XIRP2: variants seen among roughly 807,000 people sequenced by gnomAD.
XIRP2 encodes the protein xin actin-binding repeat-containing protein 2.
XIRP2 carries 236 observed loss-of-function variants against 277.0 expected under a neutral mutation model. That is an observed-to-expected ratio of 0.85 (90% CI 0.77 to 0.95). The LOEUF (loss-of-function observed/expected upper bound fraction) is 0.95, where lower values mean the gene tolerates loss of function less well. XIRP2 is among the 40% of genes least tolerant of loss of function. The probability of loss-of-function intolerance (pLI) is 0.00; values close to 1 mark genes in which losing one functional copy is unlikely to be tolerated. For missense variants in XIRP2, 4,640 were observed against 4,157.5 expected, an observed-to-expected ratio of 1.12 and a Z score of -3.19; for synonymous variants, 1,490 against 1,416.5, an observed-to-expected ratio of 1.05 and a Z score of -1.17.
intron 2 of XIRP2, among the ~76,000 whole-genome samples, chr2:166,941,037 C>T (rs769984652): frequency 6.6e-6 from 1 of 152,148 alleles, no homozygotes; most frequent in Non-Finnish European, 1.5e-5. Context: ...TGCCTTGCCC[C>T]GAGAGGTGGA....
At chr2:166,903,379 G>A (rs949284434) in intron 1 of XIRP2, 86 bp from the exon 2 acceptor site, 44 of 1,365,396 alleles carry the variant, frequency 3.2e-5, no homozygotes, top group Middle Eastern at 2.0e-4. Context: ...CAAACCCCAA[G>A]AGCTGGTGCT....
At chr2:167,107,687 T>C (rs552726763) in intron 2 of XIRP2, among the ~76,000 whole-genome samples, 2 of 151,808 alleles carry the variant, frequency 1.3e-5, no homozygotes, top group African/African-American at 4.8e-5. Flanking sequence ...TTTGTTTGTT[T>C]TGTTGATTTG....
intron 5 of XIRP2, among the ~76,000 whole-genome samples, chr2:167,234,914 T>A (rs541596059): frequency 1.1e-3 from 164 of 152,016 alleles, no homozygotes; most frequent in Middle Eastern, 3.4e-3. Flanking sequence ...TTCTATATGA[T>A]CCTTGACAAC....
chr2:166,975,831 C>G (rs969189978), intron 2 of XIRP2, among the ~76,000 whole-genome samples: 1 of 141,556 alleles, frequency 7.1e-6, no homozygotes, highest in Non-Finnish European at 1.5e-5. Context: ...GAGGCTGAGG[C>G]AGGAGAAGAG....
At chr2:167,058,967 C>A (rs1292698393) in intron 2 of XIRP2, among the ~76,000 whole-genome samples, 1 of 151,952 alleles carries the variant, frequency 6.6e-6, no homozygotes, top group African/African-American at 2.4e-5. Flanking sequence ...TACCTTACTT[C>A]AACCACAAAT....
rs541562892 is a variant in XIRP2 at position 167,223,628 on chromosome 2, A to G, written c.858+5328A>G. The stretch of plus-strand genomic sequence containing the variant: ...ATATTTTTATCAGCTAAATGTCCAC[A>G]TTGCAAAACATTTCTCATCTAAGTC... On this transcript the variant is annotated intron_variant, in intron 5 of 10. Coordinates refer to ENST00000409195, the MANE Select transcript of XIRP2 (RefSeq NM_152381.6). 5.3e-5 allele frequency among the ~76,000 whole-genome samples: 8 copies of G among 152,330 alleles called. No homozygotes were observed. In the South Asian group the frequency reaches 1.7e-3, roughly 32 times the overall value.
chr2:167,111,787 T>C (rs1285539706), intron 2 of XIRP2, among the ~76,000 whole-genome samples: 2 of 152,130 alleles, frequency 1.3e-5, no homozygotes, highest in Non-Finnish European at 2.9e-5. Flanking sequence ...CAGGTATAAA[T>C]TCATCTGGTC....
intron 2 of XIRP2, among the ~76,000 whole-genome samples, chr2:167,028,563 C>A (rs1401515166): frequency 1.3e-5 from 2 of 151,932 alleles, no homozygotes; most frequent in Non-Finnish European, 2.9e-5. Context: ...CACTCAATTC[C>A]ATTTAAATAT....
chr2:167,147,862 G>A (rs1263776156), intron 3 of XIRP2, among the ~76,000 whole-genome samples: 1 of 152,026 alleles, frequency 6.6e-6, no homozygotes, highest in Non-Finnish European at 1.5e-5. Flanking sequence ...AAAACAAATT[G>A]GAACTAAAAT....
In XIRP2 at chr2:167,250,021, G is replaced by T. The variant is rs996737290; in HGVS notation, c.8629G>T (p.Ala2877Ser). 1 of 1,613,570 alleles carries T rather than the reference G, an allele frequency of 6.2e-7. No homozygotes were observed. The highest frequency in any genetic ancestry group is 8.5e-7 in the Non-Finnish European group (1 of 1,179,692). ...QNFQQTQIQT[A>S]ESKAEHKKLP... Reference sequence around the variant, plus strand: ...TTTTCAGCAAACACAAATACAGACCGCTGAAAGTAAAGCTGAACATAAAAA... The same window carrying T: ...TTTTCAGCAAACACAAATACAGACCTCTGAAAGTAAAGCTGAACATAAAAA... Residue 2877 changes from alanine (A) to serine (S), a missense_variant, in exon 9 of 11, where the codon GCT (alanine) becomes TCT (serine). By Grantham distance (99) the Ala-to-Ser change is moderately conservative. Coordinates refer to ENST00000409195, the MANE Select transcript of XIRP2 (RefSeq NM_152381.6).
chr2:167,007,084 T>C (rs1687523925), intron 2 of XIRP2, among the ~76,000 whole-genome samples: 1 of 151,674 alleles, frequency 6.6e-6, no homozygotes, highest in East Asian at 1.9e-4. Flanking sequence ...ATTTCTCTTA[T>C]TTGCAAATCT....
At chr2:166,994,244 G>A (rs1338964480) in intron 2 of XIRP2, among the ~76,000 whole-genome samples, 2 of 28,556 alleles carry the variant, frequency 7.0e-5, no homozygotes, top group African/African-American at 2.0e-4. Flanking sequence ...ACCAAACACC[G>A]CATATTCTCA....
chr2:167,150,628 T>C (rs1418376346), intron 3 of XIRP2, among the ~76,000 whole-genome samples: 1 of 152,022 alleles, frequency 6.6e-6, no homozygotes, highest in African/African-American at 2.4e-5. Flanking sequence ...TGTATTGATA[T>C]GTTGTTGTGT....
At chr2:167,206,305 C>T (rs183938356) in intron 3 of XIRP2, among the ~76,000 whole-genome samples, 80 of 152,210 alleles carry the variant, frequency 5.3e-4, no homozygotes, top group African/African-American at 1.9e-3. Context: ...TCTACTTCCC[C>T]ATCCTCACAC....
intron 1 of XIRP2, among the ~76,000 whole-genome samples, chr2:166,890,431 A>G (rs1684072900): frequency 6.6e-6 from 1 of 152,122 alleles, no homozygotes; most frequent in African/African-American, 2.4e-5. Flanking sequence ...GGCCCTTAAG[A>G]ATCTGCAGTG....
intron 10 of XIRP2, among the ~76,000 whole-genome samples, chr2:167,256,216 GT>G (rs1223075533): frequency 6.6e-6 from 1 of 151,414 alleles, no homozygotes; most frequent in Middle Eastern, 3.4e-3. Flanking sequence ...TTATTATATA[GT>G]TTTTTCTTCA....
chr2:167,148,148 G>A (rs1470920436), intron 3 of XIRP2, among the ~76,000 whole-genome samples: 1 of 151,992 alleles, frequency 6.6e-6, no homozygotes, highest in Non-Finnish European at 1.5e-5. Context: ...TTGGGAGGTC[G>A]AGGCAGGTGG....
At chr2:167,219,011 G>A (rs776100843) in intron 5 of XIRP2, among the ~76,000 whole-genome samples, 34 of 151,914 alleles carry the variant, frequency 2.2e-4, no homozygotes, top group Non-Finnish European at 4.0e-4. Context: ...AGGCAACTGA[G>A]GTATTTCTTA....
chr2:166,995,774 G>A (rs1283568195), intron 2 of XIRP2, among the ~76,000 whole-genome samples: 1 of 152,174 alleles, frequency 6.6e-6, no homozygotes, highest in East Asian at 1.9e-4. Flanking sequence ...GTAGTAGGTG[G>A]AGATTATAGG....
Sources: gnomAD v4.1 joint callset for allele counts (sites outside exome capture counted in the v4.1 genomes callset) on GRCh38, gnomAD v4.1.1 for gene constraint, MANE v1.5 for transcripts, NCBI Gene and HGNC (gene_info 2026-07-23, HGNC 2026-07-21) for gene names.